MDGA2: variants seen among roughly 807,000 people sequenced by gnomAD.
The protein encoded by MDGA2 is MAM domain containing glycosylphosphatidylinositol anchor 2.
MDGA2 carries 40 observed loss-of-function variants against 117.8 expected under a neutral mutation model. That is an observed-to-expected ratio of 0.34 (90% CI 0.26 to 0.44). MDGA2 has a LOEUF of 0.44. Ranked by LOEUF, MDGA2 falls within the 20% of genes least tolerant of loss-of-function variation. The pLI is 1.00. For missense variants in MDGA2, 1,123 were observed against 1,250.6 expected, an observed-to-expected ratio of 0.90 and a Z score of 1.54; for synonymous variants, 452 against 439.0, an observed-to-expected ratio of 1.03 and a Z score of -0.37.
At chr14:46,866,893 C>T (rs1343350860) in intron 14 of MDGA2, among the ~76,000 whole-genome samples, 1 of 148,868 alleles carries the variant, frequency 6.7e-6, no homozygotes, top group Non-Finnish European at 1.5e-5. Context: ...CAGAAAACAA[C>T]AGATGCTGGA....
At chr14:47,057,612 T>C (rs56911487) in intron 7 of MDGA2, among the ~76,000 whole-genome samples, 1 of 151,466 alleles carries the variant, frequency 6.6e-6, no homozygotes, top group African/African-American at 2.4e-5. Flanking sequence ...TCTTTCCTTT[T>C]CTTTCCCTCC....
intron 1 of MDGA2, among the ~76,000 whole-genome samples, chr14:47,335,735 T>TAC (rs1890427310): frequency 1.9e-5 from 1 of 51,914 alleles, no homozygotes; most frequent in African/African-American, 6.0e-5. Flanking sequence ...ACATATATTT[T>TAC]ATATATATAT....
rs1888798807 is a variant in MDGA2 at position 47,035,127 on chromosome 14, G to A, written c.1703C>T (p.Thr568Ile). The A allele has an allele frequency of 3.1e-6, 5 of 1,614,092 alleles. No homozygotes were observed. The East Asian group carries it at 6.7e-5, about 22-fold the overall frequency. ...CCTAGATACATTCACAATCCTCAGT[G>A]TTCCATCATAACTCTCCATTTGCAT... Reference protein sequence around the residue: ...GSMQMESYDGTLRIVNVSREM... With the variant: ...GSMQMESYDGILRIVNVSREM... Residue 568 changes from threonine (T) to isoleucine (I), a missense_variant, in exon 8 of 17, where the codon ACA becomes ATA. By Grantham distance (89) the Thr-to-Ile change is moderately conservative (BLOSUM62 -1). Transcript: ENST00000399232.
chr14:47,415,597 A>G (rs566939390), intron 1 of MDGA2, among the ~76,000 whole-genome samples: 67 of 152,346 alleles, frequency 4.4e-4, no homozygotes, highest in African/African-American at 1.5e-3. Context: ...GAAAAAAAAC[A>G]TAGTATATTA....
intron 1 of MDGA2, among the ~76,000 whole-genome samples, chr14:47,597,407 C>A (rs1896563771): frequency 6.6e-6 from 1 of 151,390 alleles, no homozygotes; most frequent in Non-Finnish European, 1.5e-5. Flanking sequence ...TATTTTTTTT[C>A]TTTCCAGCAA....
At chr14:47,053,372 C>A (rs967858927) in intron 7 of MDGA2, among the ~76,000 whole-genome samples, 4 of 151,672 alleles carry the variant, frequency 2.6e-5, no homozygotes, top group Non-Finnish European at 4.4e-5. Flanking sequence ...TCACCAGAAA[C>A]ATGAGGATGT....
chr14:47,131,989 AT>A (rs1443091867), intron 4 of MDGA2, 143 bp from the exon 5 acceptor site: 3 of 568,840 alleles, frequency 5.3e-6, no homozygotes, highest in Non-Finnish European at 8.1e-6. Flanking sequence ...GAAATGTCCT[AT>A]CTTTCAAATA....
chr14:47,221,598 G>A (rs1886303039), intron 2 of MDGA2, among the ~76,000 whole-genome samples: 1 of 150,288 alleles, frequency 6.7e-6, no homozygotes, highest in African/African-American at 2.5e-5. Context: ...TGAGACAGGA[G>A]AATGGCGTGA....
At chr14:47,088,573 C>G (rs557880532) in intron 6 of MDGA2, among the ~76,000 whole-genome samples, 41 of 152,224 alleles carry the variant, frequency 2.7e-4, no homozygotes, top group African/African-American at 9.4e-4. Context: ...ACTGGAAATT[C>G]ACCACTAATT....
At chr14:47,671,383 A>G (rs1361321911) in intron 1 of MDGA2, among the ~76,000 whole-genome samples, 1 of 152,212 alleles carries the variant, frequency 6.6e-6, no homozygotes, top group Admixed American at 6.5e-5. Flanking sequence ...TTCTCAATTC[A>G]CTAAAAAACA....
chr14:47,129,968 G>C (rs1459320197), intron 5 of MDGA2, among the ~76,000 whole-genome samples: 1 of 149,896 alleles, frequency 6.7e-6, no homozygotes, highest in Non-Finnish European at 1.5e-5. Context: ...ATTTGTTTGA[G>C]TTCATTGTAG....
intron 1 of MDGA2, among the ~76,000 whole-genome samples, chr14:47,526,889 T>C (rs1254093592): frequency 6.6e-6 from 1 of 152,204 alleles, no homozygotes; most frequent in Non-Finnish European, 1.5e-5. Context: ...GAGATCACCA[T>C]GGTGCACTCT....
Position 47,133,107 on chromosome 14 carries a change from TA to T in MDGA2, c.793-1262del, listed in dbSNP as rs555657080. Among the ~76,000 whole-genome samples the T allele has an allele frequency of 1.3e-3, 171 of 135,658 alleles. 1 individual carries two copies. Among genetic ancestry groups the T allele is most frequent in the Middle Eastern group, 4.1e-3 (1 of 244 alleles). 89.0% of individuals were successfully genotyped at this position (135,658 alleles called of 152,430 possible). ...ACCCCTTTAGCATTTTCCTCAGTGG[TA>T]AAAAAAAAAAAAACAAACAAACAAA... On this transcript the variant is annotated intron_variant, in intron 4 of 16. Transcript: ENST00000399232.
At chr14:47,466,656 T>G (rs1893610804) in intron 1 of MDGA2, among the ~76,000 whole-genome samples, 1 of 152,134 alleles carries the variant, frequency 6.6e-6, no homozygotes, top group African/African-American at 2.4e-5. Context: ...TTCTTTGAAT[T>G]ACAGGGATAC....
chr14:47,392,515 T>A (rs1891919583), intron 1 of MDGA2, among the ~76,000 whole-genome samples: 2 of 152,208 alleles, frequency 1.3e-5, no homozygotes, highest in African/African-American at 2.4e-5. Context: ...TCAACAAATA[T>A]CTTTGAGTGG....
intron 2 of MDGA2, among the ~76,000 whole-genome samples, chr14:47,238,129 C>G (rs1431816924): frequency 6.6e-6 from 1 of 152,192 alleles, no homozygotes; most frequent in Non-Finnish European, 1.5e-5. Context: ...ATGCAAGCCT[C>G]TGCCTAAATG....
intron 1 of MDGA2, among the ~76,000 whole-genome samples, chr14:47,431,667 T>C (rs1020752057): frequency 6.6e-6 from 1 of 151,878 alleles, no homozygotes; most frequent in Non-Finnish European, 1.5e-5. Context: ...GTTTGGGGAG[T>C]AACAGTATCA....
intron 1 of MDGA2, among the ~76,000 whole-genome samples, chr14:47,394,315 T>C (rs1441999250): frequency 1.3e-5 from 2 of 152,132 alleles, no homozygotes; most frequent in Non-Finnish European, 2.9e-5. Context: ...TTTTTAAGCC[T>C]GGACCAGAAA....
At chr14:47,250,741 CAAAG>C (rs1294299915) in intron 2 of MDGA2, among the ~76,000 whole-genome samples, 1 of 152,110 alleles carries the variant, frequency 6.6e-6, no homozygotes, top group African/African-American at 2.4e-5. Flanking sequence ...CCTGAAGAGA[CAAAG>C]AAAGTTTTCC....
Sources: gnomAD v4.1 joint callset for allele counts (sites outside exome capture counted in the v4.1 genomes callset) on GRCh38, gnomAD v4.1.1 for gene constraint, MANE v1.5 for transcripts, NCBI Gene and HGNC (gene_info 2026-07-23, HGNC 2026-07-21) for gene names.